The following BRWD1 variants were observed in gnomAD, a reference collection of about 807,000 sequenced individuals.
BRWD1 encodes bromodomain and WD repeat domain containing 1, also known as bromodomain and WD repeat-containing protein 1.
In BRWD1, 82 loss-of-function variants were observed where a neutral mutation model predicts 251.2. That is an observed-to-expected ratio of 0.33 (90% confidence interval 0.27 to 0.39). The LOEUF (loss-of-function observed/expected upper bound fraction) is 0.39, where lower values mean the gene tolerates loss of function less well. Ranked by LOEUF, BRWD1 falls within the 10% of genes least tolerant of loss-of-function variation. The pLI is 1.00. For synonymous variants in BRWD1, 918 were observed against 902.8 expected (o/e 1.02, Z -0.30); for missense variants, 2,233 against 2,711.6 (o/e 0.82, Z 3.92).
In BRWD1 at chr21:39,194,925, T is replaced by C; in HGVS notation, c.*1334A>G. ...CTTACAGGTGGGGTACTGTAACATA[T>C]CCCTTACCCACTAAATATGTAAACC... On this transcript the variant is annotated 3_prime_UTR_variant, in exon 41 of 41. Transcript: ENST00000342449. 1.3e-6 allele frequency: 2 copies of C among 1,490,160 alleles called. No homozygotes were observed. Among genetic ancestry groups the C allele is most frequent in the Non-Finnish European group, 1.8e-6 (2 of 1,126,082 alleles). The allele number at this position is 1,490,160 out of a possible 1,614,324, so 92.3% of individuals were successfully genotyped here.
chr21:39,268,536 T>C (rs187098839), intron 15 of BRWD1, among the ~76,000 whole-genome samples: 74 of 151,906 alleles, frequency 4.9e-4, no homozygotes, highest in African/African-American at 1.6e-3. Context: ...ATATCACTTA[T>C]GTTTTATTTC....
rs767748242 is a variant in BRWD1, at chr21:39,241,067, AT to A, written c.2482-2495del. 6.6e-3 allele frequency among the ~76,000 whole-genome samples: 931 copies of A among 141,622 alleles called. 7 individuals are homozygous for A. The highest frequency in any genetic ancestry group is 0.02 in the East Asian group (97 of 4,848). The allele number at this position is 141,622 out of a possible 152,430, so 92.9% of individuals were successfully genotyped here. A position where few individuals can be genotyped will look rare whatever the true frequency, so the allele number is the denominator to read the frequency against. On this transcript the variant is annotated intron_variant, in intron 21 of 40. Coordinates refer to ENST00000342449, the MANE Select transcript of BRWD1 (RefSeq NM_033656.4). The stretch of plus-strand genomic sequence containing the variant: ...AGGCACCCGCCACCACGCCCAGCTA[AT>A]TTTTTTTTTTTTTTGTATTTTTTGT...
At position 39,188,890 on chromosome 21, in the gene BRWD1, T is replaced by C. The variant is rs116325946; in HGVS notation, c.*7369A>G. 3.2e-5 allele frequency: 32 copies of C among 985,410 alleles called. No individual in the cohort carries two copies. The highest frequency in any genetic ancestry group is 3.5e-5 in the Non-Finnish European group (29 of 829,918). 61.0% of individuals were successfully genotyped at this position (985,410 alleles called of 1,614,324 possible). Reference sequence around the variant, plus strand: ...TTCAGTGTTCAGTCTCCAGGCATTGTAAATGGCATTTTACCAGAGTAAGAC... The same window carrying C: ...TTCAGTGTTCAGTCTCCAGGCATTGCAAATGGCATTTTACCAGAGTAAGAC... On this transcript the variant is annotated 3_prime_UTR_variant, in exon 41 of 41. Transcript: ENST00000342449.
At chr21:39,209,851 AAT>A in intron 36 of BRWD1, 142 bp downstream of exon 36, 11 of 783,258 alleles carry the variant, frequency 1.4e-5, no homozygotes, top group South Asian at 3.5e-5. Context: ...TTTTCTTTAT[AAT>A]AGTCTTAATT....
intron 4 of BRWD1, among the ~76,000 whole-genome samples, chr21:39,309,801 GGCGACAGA>G (rs545636305): frequency 2.5e-3 from 370 of 146,288 alleles, no homozygotes; most frequent in African/African-American, 8.9e-3. Flanking sequence ...CTCCAGCCTG[GGCGACAGA>G]GCGAGACTCC....
chr21:39,287,718 C>T (rs763445894), intron 8 of BRWD1, among the ~76,000 whole-genome samples: 4 of 152,052 alleles, frequency 2.6e-5, no homozygotes, highest in Non-Finnish European at 5.9e-5. Context: ...TCCTCACTAC[C>T]GTTATGCACA....
At chr21:39,278,899 T>A in intron 9 of BRWD1, 86 bp from the exon 10 acceptor site, 1 of 1,041,926 alleles carries the variant, frequency 9.6e-7, no homozygotes, top group Non-Finnish European at 1.3e-6. Context: ...CTAGCATATT[T>A]AAATATTATA....
At position 39,196,924 on chromosome 21, in the gene BRWD1, C is replaced by G; in HGVS notation, c.6145G>C (p.Val2049Leu). Residue 2049 changes from valine to leucine, a missense_variant, in exon 41 of 41, where the codon GTT (valine) becomes CTT (leucine). Physicochemically the swap from Val to Leu is conservative, Grantham distance 32. Coordinates refer to ENST00000342449, the MANE Select transcript of BRWD1 (RefSeq NM_033656.4). ...TTTGAATCTTCTCCTGAAGATGTAA[C>G]AGAGGAACTTTTTCTTTTAGAAGGT... The part of the protein sequence containing the change: ...DAPSKRKSSS[V>L]TSSGEDSKSH... The G allele has an allele frequency of 6.2e-7, 1 of 1,613,858 alleles. No homozygotes were observed. The highest frequency in any genetic ancestry group is 8.5e-7 in the Non-Finnish European group (1 of 1,179,922).
chr21:39,313,358 A>AGGGAGCCG, intron 1 of BRWD1, 59 bp from the exon 2 acceptor site: 2 of 1,462,812 alleles, frequency 1.4e-6, no homozygotes, highest in Non-Finnish European at 1.8e-6. Flanking sequence ...GGACGGGGCC[A>AGGGAGCCG]GGGGAGCCGG....
At position 39,274,645 on chromosome 21, in the gene BRWD1, T is replaced by A. The variant is rs568965634; in HGVS notation, c.1146-173A>T. 3.3e-5 allele frequency among the ~76,000 whole-genome samples: 5 copies of A among 152,154 alleles called. No individual in the cohort carries two copies. In the South Asian group the frequency reaches 1.0e-3, roughly 32 times the overall value. Reference sequence around the variant, plus strand: ...GAGCGTATCTGGATGGGAAAAAAAATTTGGTTTGCTATGATTTGCCCGGCC... The same window carrying A: ...GAGCGTATCTGGATGGGAAAAAAAAATTGGTTTGCTATGATTTGCCCGGCC... On this transcript the variant is annotated intron_variant, in intron 12 of 40. Coordinates refer to ENST00000342449, the MANE Select transcript of BRWD1 (RefSeq NM_033656.4).
intron 21 of BRWD1, among the ~76,000 whole-genome samples, chr21:39,245,550 T>C (rs1453872093): frequency 2.0e-5 from 3 of 152,008 alleles, no homozygotes; most frequent in African/African-American, 7.2e-5. Flanking sequence ...CCTCAAAACA[T>C]TACTCAGTCA....
Position 39,189,047 on chromosome 21 carries a change from G to C in BRWD1, c.*7212C>G, listed in dbSNP as rs2031404580. 4.1e-6 allele frequency: 4 copies of C among 985,000 alleles called. No individual in the cohort carries two copies. Among genetic ancestry groups the C allele is most frequent in the East Asian group, 1.1e-4 (1 of 8,816 alleles). The allele number at this position is 985,000 out of a possible 1,614,324, so 61.0% of individuals were successfully genotyped here. On this transcript the variant is annotated 3_prime_UTR_variant, in exon 41 of 41. Coordinates refer to ENST00000342449, the MANE Select transcript of BRWD1 (RefSeq NM_033656.4). Reference sequence around the variant, plus strand: ...CTTCTCTTGGGAATTTTAAAATTATGAACTAGTATCTCCAACAAGTCAACC... The same window carrying C: ...CTTCTCTTGGGAATTTTAAAATTATCAACTAGTATCTCCAACAAGTCAACC...
intron 31 of BRWD1, chr21:39,217,108 A>ATTTT (rs2032985567): frequency 8.7e-5 from 2 of 22,896 alleles, no homozygotes; most frequent in African/African-American, 3.8e-4. Context: ...TTTTTTTTTA[A>ATTTT]TTGCTTAGAC....
In BRWD1 at chr21:39,280,215, T is replaced by C; in HGVS notation, c.865A>G (p.Met289Val). The change falls in exon 9 of 41, where the codon ATG becomes GTG. Residue 289 changes from methionine to valine, a missense_variant. Met to Val is a conservative substitution (Grantham distance 21, BLOSUM62 1). Transcript: ENST00000342449. ...GTCCCATCAGCACCAGTGGAAACCA[T>C]GTATCTTTGAGAGCCTTTGGCCATC... ...SPMAKGSQRY[M>V]VSTGADGTVC... 3.7e-6 allele frequency: 6 copies of C among 1,609,528 alleles called. No homozygotes were observed. The highest frequency in any genetic ancestry group is 5.1e-6 in the Non-Finnish European group (6 of 1,178,690).
At chr21:39,285,490 A>T (rs2035603980) in intron 8 of BRWD1, among the ~76,000 whole-genome samples, 1 of 152,264 alleles carries the variant, frequency 6.6e-6, no homozygotes, top group African/African-American at 2.4e-5. Context: ...TATTACCACA[A>T]CAAATAAATG....
upstream of BRWD1, chr21:39,313,931 G>T (rs1348437132): frequency 3.0e-6 from 1 of 336,194 alleles, no homozygotes; most frequent in Non-Finnish European, 5.7e-6. Flanking sequence ...GGGTGGCCCA[G>T]CAGCGGGCGG....
At chr21:39,203,696 C>A (rs1029834141) in intron 37 of BRWD1, among the ~76,000 whole-genome samples, 1 of 150,788 alleles carries the variant, frequency 6.6e-6, no homozygotes, top group Non-Finnish European at 1.5e-5. Context: ...CGTGAGCCAC[C>A]GCGCCCAGCC....
Position 39,189,151 on chromosome 21 carries a change from CAA to C in BRWD1, c.*7106_*7107del. On this transcript the variant is annotated 3_prime_UTR_variant, in exon 41 of 41. Coordinates refer to ENST00000342449, the MANE Select transcript of BRWD1 (RefSeq NM_033656.4). ...ATGTAAATATGCTACAAAGGGTAAACAAAAATTTTAAAATATGCAAAATTAAG... is the reference window on the plus strand; with the variant it reads ...ATGTAAATATGCTACAAAGGGTAAACAAATTTTAAAATATGCAAAATTAAG... The C allele has an allele frequency of 1.0e-6, 1 of 984,246 alleles. No homozygotes were observed. Among genetic ancestry groups the C allele is most frequent in the Non-Finnish European group, 1.2e-6 (1 of 828,956 alleles). 61.0% of individuals were successfully genotyped at this position (984,246 alleles called of 1,614,324 possible).
At chr21:39,268,064 T>C (rs550265889) in intron 15 of BRWD1, among the ~76,000 whole-genome samples, 16 of 152,254 alleles carry the variant, frequency 1.1e-4, no homozygotes, top group African/African-American at 3.8e-4. Context: ...CACCAACTAA[T>C]AAATATGGAA....
Sources: allele counts gnomAD v4.1 joint callset (sites outside exome capture counted in the v4.1 genomes callset), GRCh38; gene constraint gnomAD v4.1.1; transcripts MANE v1.5; gene names NCBI Gene and HGNC (gene_info 2026-07-23, HGNC 2026-07-21).